Variants in DNAAF9 observed in about 807,000 individuals in gnomAD.
DNAAF9 encodes the protein dynein axonemal assembly factor 9, also known as shulin.
A neutral mutation model predicts 167.0 loss-of-function variants in DNAAF9; 90 were observed. The ratio of observed to expected loss-of-function variants is 0.54; its 90% CI spans 0.45 to 0.64. The LOEUF (loss-of-function observed/expected upper bound fraction) is 0.64, where lower values mean the gene tolerates loss of function less well. DNAAF9 is among the 30% of genes least tolerant of loss of function. The probability of loss-of-function intolerance (pLI) is 0.00; values close to 1 mark genes in which losing one functional copy is unlikely to be tolerated. For synonymous variants in DNAAF9, 491 were observed against 508.8 expected (o/e 0.96, Z 0.47); for missense variants, 1,315 against 1,442.2 (o/e 0.91, Z 1.43).
chr20:3,324,922 A>G lies in DNAAF9; in HGVS notation c.1235T>C (p.Phe412Ser), dbSNP rs1432392205. Residue 412 changes from phenylalanine (F) to serine (S), a missense_variant, in exon 14 of 37, where the codon TTT (phenylalanine) becomes TCT (serine). Phe to Ser is a radical substitution (Grantham distance 155). Transcript: ENST00000252032. The stretch of plus-strand genomic sequence containing the variant: ...GGCTGCCTTAAACGGAATCAACTCA[A>G]AGGAATCTAACCCAGATCCCAGAGT... ...EQTLGSGLDS[F>S]ELIPFKAALR... The G allele has an allele frequency of 6.2e-7, 1 of 1,607,750 alleles. No homozygotes were observed. Among genetic ancestry groups the G allele is most frequent in the South Asian group, 1.1e-5 (1 of 90,906 alleles).
chr20:3,267,517 A>C (rs542752692), intron 30 of DNAAF9, among the ~76,000 whole-genome samples: 1 of 144,738 alleles, frequency 6.9e-6, no homozygotes, highest in East Asian at 2.0e-4. Context: ...TTTCAAAGGA[A>C]AATGGTAGGA....
intron 3 of DNAAF9, among the ~76,000 whole-genome samples, chr20:3,379,826 C>T (rs1004618578): frequency 1.3e-5 from 2 of 151,826 alleles, no homozygotes; most frequent in African/African-American, 4.8e-5. Context: ...TTTGGGAGGC[C>T]AAGGCGGGAT....
At chr20:3,379,057 AC>A (rs1415500702) in intron 3 of DNAAF9, among the ~76,000 whole-genome samples, 1 of 151,824 alleles carries the variant, frequency 6.6e-6, no homozygotes, top group African/African-American at 2.4e-5. Flanking sequence ...TTCGTAGACC[AC>A]CTGCAGAGGA....
In DNAAF9 at chr20:3,270,430, G is replaced by A. The variant is rs2068573211; in HGVS notation, c.2783C>T (p.Thr928Ile). The A allele has an allele frequency of 6.2e-7, 1 of 1,613,668 alleles. No homozygotes were observed. Among genetic ancestry groups the A allele is most frequent in the Non-Finnish European group, 8.5e-7 (1 of 1,179,680 alleles). The change falls in exon 30 of 37, where the codon ACC becomes ATC. Residue 928 changes from threonine (T) to isoleucine (I), a missense_variant. Physicochemically the swap from Thr to Ile is moderately conservative, Grantham distance 89. Around this residue, in one of 2 missense-constraint regions of DNAAF9, gnomAD observed 334 missense variants for 429.7 expected, o/e 0.78. Transcript: ENST00000252032. ...GCAGAGTGAATCTATAGATTACCTG[G>A]TGACAATCCCATTTTCTGCAAGAAT... is the stretch of plus-strand genomic sequence containing the variant. ...AFILAENGIV[T>I]RNEDIELILS... is the part of the protein sequence containing the mutation.
chr20:3,329,271 G>C (rs1358951752), intron 12 of DNAAF9, among the ~76,000 whole-genome samples: 1 of 152,080 alleles, frequency 6.6e-6, no homozygotes, highest in Non-Finnish European at 1.5e-5. Context: ...AGGCTCAGAT[G>C]ATCCTCCTGC....
intron 7 of DNAAF9, among the ~76,000 whole-genome samples, chr20:3,350,388 C>G (rs996573296): frequency 6.6e-6 from 1 of 151,118 alleles, no homozygotes; most frequent in Non-Finnish European, 1.5e-5. Context: ...TTATATATAA[C>G]GTAGGATAAA....
In DNAAF9 at chr20:3,315,086, C is replaced by T. The variant is rs781198980; in HGVS notation, c.1625G>A (p.Gly542Glu). The T allele has an allele frequency of 6.2e-7, 1 of 1,611,500 alleles. No individual in the cohort carries two copies. The highest frequency in any genetic ancestry group is 1.3e-5 in the African/African-American group (1 of 74,842). ...GGAATAAAGATATGCTCCTTCTCCT[C>T]CTGTTAGATAAGTGCCCAGGAAAGA... is the stretch of plus-strand genomic sequence containing the variant. ...DESFLGTYLT[G>E]GEGAYLYSSN... Residue 542 changes from glycine (G) to glutamate (E), a missense_variant, in exon 20 of 37, where the codon GGA (glycine) becomes GAA (glutamate). By Grantham distance (98) the Gly-to-Glu change is moderately conservative. Coordinates refer to ENST00000252032, the MANE Select transcript of DNAAF9 (RefSeq NM_001009984.3). The surrounding 1 kb of genome is among the most constrained non-coding windows in gnomAD (Gnocchi z 4.1).
intron 10 of DNAAF9, among the ~76,000 whole-genome samples, chr20:3,337,223 T>TTCTA (rs978758950): frequency 6.6e-6 from 1 of 151,728 alleles, no homozygotes; most frequent in Non-Finnish European, 1.5e-5. Context: ...TGTTGAAACT[T>TTCTA]TCTATCATTT....
chr20:3,340,767 A>G, intron 9 of DNAAF9, 128 bp from the exon 10 acceptor site: 1 of 774,064 alleles, frequency 1.3e-6, no homozygotes, highest in South Asian at 1.5e-5. Context: ...GTCAGTCAGT[A>G]CAGTCGACCG....
At chr20:3,389,480 T>G (rs1376817044) in intron 1 of DNAAF9, among the ~76,000 whole-genome samples, 1 of 151,922 alleles carries the variant, frequency 6.6e-6, no homozygotes, top group Non-Finnish European at 1.5e-5. Context: ...AAGTTAAAAA[T>G]AGTCAGCTGG....
chr20:3,336,331 G>A (rs1205967809), intron 10 of DNAAF9, among the ~76,000 whole-genome samples: 2 of 126,876 alleles, frequency 1.6e-5, no homozygotes, highest in South Asian at 2.5e-4. Flanking sequence ...TCTCATCTTC[G>A]TTCTCCTCTC....
At chr20:3,395,478 A>G (rs1359889247) in intron 1 of DNAAF9, among the ~76,000 whole-genome samples, 2 of 151,452 alleles carry the variant, frequency 1.3e-5, no homozygotes, top group African/African-American at 4.9e-5. Flanking sequence ...ACAGGGTTAC[A>G]CCATGTTGGC....
intron 6 of DNAAF9, among the ~76,000 whole-genome samples, chr20:3,363,442 T>G (rs2083390242): frequency 6.8e-6 from 1 of 147,274 alleles, no homozygotes; most frequent in African/African-American, 2.5e-5. Flanking sequence ...CCAGCCTGGG[T>G]GACAGAGTGA....
At chr20:3,286,879 A>G (rs1478470723) in intron 27 of DNAAF9, among the ~76,000 whole-genome samples, 1 of 152,138 alleles carries the variant, frequency 6.6e-6, no homozygotes, top group African/African-American at 2.4e-5. Context: ...ATTACCACCA[A>G]CCATAACAAC....
At chr20:3,361,180 G>C (rs1306818576) in intron 6 of DNAAF9, among the ~76,000 whole-genome samples, 6 of 152,152 alleles carry the variant, frequency 3.9e-5, no homozygotes, top group Non-Finnish European at 8.8e-5. Flanking sequence ...CTTGAGGAGG[G>C]AATAAAAAGC....
At chr20:3,358,350 C>T (rs2083317108) in intron 7 of DNAAF9, among the ~76,000 whole-genome samples, 1 of 152,060 alleles carries the variant, frequency 6.6e-6, no homozygotes, top group Admixed American at 6.6e-5. Flanking sequence ...GGGGCATGAT[C>T]TCAGCTCATT....
At chr20:3,383,155 C>T (rs2083684868) in intron 1 of DNAAF9, among the ~76,000 whole-genome samples, 1 of 152,172 alleles carries the variant, frequency 6.6e-6, no homozygotes, top group Admixed American at 6.5e-5. Context: ...CCCATCCCCT[C>T]CTTCCCAGAA....
intron 16 of DNAAF9, among the ~76,000 whole-genome samples, chr20:3,318,852 G>C (rs1198150496): frequency 6.6e-6 from 1 of 152,208 alleles, no homozygotes; most frequent in Middle Eastern, 3.4e-3. Flanking sequence ...GTTGAGGCGG[G>C]TGGATCACTT....
intron 33 of DNAAF9, among the ~76,000 whole-genome samples, chr20:3,258,419 A>G (rs2068320406): frequency 6.6e-6 from 1 of 152,146 alleles, no homozygotes; most frequent in Non-Finnish European, 1.5e-5. Flanking sequence ...GCAGAAACTG[A>G]TAGCTGCCGA....
Sources: gnomAD v4.1 joint callset for allele counts (sites outside exome capture counted in the v4.1 genomes callset) on GRCh38, gnomAD v4.1.1 for gene constraint, gnomAD v4.1.1 regional missense constraint, Gnocchi (gnomAD v3.1) non-coding constraint, MANE v1.5 for transcripts, NCBI Gene and HGNC (gene_info 2026-07-23, HGNC 2026-07-21) for gene names.